The following HLTF variants were observed in gnomAD, a reference collection of about 807,000 sequenced individuals.
HLTF encodes the protein helicase like transcription factor.
In HLTF, 127 loss-of-function variants were observed where a neutral mutation model predicts 129.4. That is an observed-to-expected ratio of 0.98 (90% CI 0.85 to 1.14). The LOEUF (loss-of-function observed/expected upper bound fraction) is 1.14, where lower values mean the gene tolerates loss of function less well. Among genes scored for constraint, HLTF ranks in the 50% most tolerant of loss-of-function variants. HLTF has a pLI of 0.00. For missense variants in HLTF, 1,139 were observed against 1,187.1 expected (o/e 0.96, Z 0.60); for synonymous variants, 332 against 388.8 (o/e 0.85, Z 1.72).
intron 8 of HLTF, among the ~76,000 whole-genome samples, chr3:149,065,560 C>T (rs555970415): frequency 9.2e-5 from 14 of 152,158 alleles, no homozygotes; most frequent in Middle Eastern, 3.4e-3. Flanking sequence ...AAAAATCTGC[C>T]GGGCGCAGTG....
chr3:149,081,245 T>C (rs1306836498), intron 2 of HLTF, among the ~76,000 whole-genome samples: 1 of 145,312 alleles, frequency 6.9e-6, no homozygotes. Flanking sequence ...AACTTAACCA[T>C]ATGCTTATTG....
chr3:149,063,071 T>A, intron 10 of HLTF: 1 of 457,610 alleles, frequency 2.2e-6, no homozygotes, highest in Non-Finnish European at 4.4e-6. Context: ...CTTTTTCTTT[T>A]TTTTTTGAGA....
intron 23 of HLTF, among the ~76,000 whole-genome samples, chr3:149,035,969 A>C (rs1205720973): frequency 6.6e-6 from 1 of 151,602 alleles, no homozygotes; most frequent in Non-Finnish European, 1.5e-5. Flanking sequence ...CCCCATCTCT[A>C]CTAAAAATAC....
In HLTF at chr3:149,032,297, A is replaced by T; in HGVS notation, c.2953T>A (p.Phe985Ile). The T allele has an allele frequency of 6.2e-7, 1 of 1,602,198 alleles. No homozygotes were observed. Among genetic ancestry groups the T allele is most frequent in the Admixed American group, 1.7e-5 (1 of 58,448 alleles). The change falls in exon 25 of 25, where the codon TTT becomes ATT. Residue 985 changes from phenylalanine to isoleucine, a missense_variant. Transcript: ENST00000310053. ...TCAGCATTTGGTTTTTTAGTTCCAA[A>T]GGCTCCTGCTGCAAGTTCTCTCTTT... is the stretch of plus-strand genomic sequence containing the variant. ...NKKRELAAGA[F>I]GTKKPNADEM...
chr3:149,048,437 T>G (rs1716730397), intron 16 of HLTF, among the ~76,000 whole-genome samples: 1 of 152,218 alleles, frequency 6.6e-6, no homozygotes, highest in African/African-American at 2.4e-5. Flanking sequence ...CAAGTACATC[T>G]GCTTATTTAG....
rs768064749 is a variant in HLTF at position 149,071,556 on chromosome 3, C to T, written c.702+27G>A. 3 of 1,522,098 alleles carry T rather than the reference C, an allele frequency of 2.0e-6. No homozygotes were observed. In the Admixed American group the frequency reaches 5.2e-5, roughly 26 times the overall value. 94.3% of individuals were successfully genotyped at this position (1,522,098 alleles called of 1,614,324 possible). On this transcript the variant is annotated intron_variant, in intron 6 of 24. Transcript: ENST00000310053. The stretch of plus-strand genomic sequence containing the variant: ...AGTATATTTAAACATTCTGAGTAGT[C>T]TTAAATAAAAAATATTGGTTCAATA...
intron 7 of HLTF, among the ~76,000 whole-genome samples, chr3:149,069,158 T>TAA (rs35334487): frequency 3.7e-4 from 55 of 149,944 alleles, no homozygotes; most frequent in Non-Finnish European, 5.2e-4. Context: ...CACATACAGT[T>TAA]AAAAAAAAAA....
chr3:149,059,004 G>T (rs574910496), intron 13 of HLTF, among the ~76,000 whole-genome samples: 2 of 152,030 alleles, frequency 1.3e-5, no homozygotes, highest in African/African-American at 4.8e-5. Flanking sequence ...ACCAAAAGTC[G>T]GCTCTTTCTC....
intron 2 of HLTF, among the ~76,000 whole-genome samples, chr3:149,080,164 T>C (rs1719748816): frequency 6.6e-6 from 1 of 152,048 alleles, no homozygotes; most frequent in African/African-American, 2.4e-5. Context: ...GGAAGAAGAC[T>C]GATTCATGGT....
chr3:149,043,379 A>G (rs1716284582), intron 18 of HLTF, among the ~76,000 whole-genome samples: 1 of 151,868 alleles, frequency 6.6e-6, no homozygotes, highest in Admixed American at 6.6e-5. Flanking sequence ...GAACACAGAT[A>G]AAAGACATCT....
At chr3:149,071,763 C>T (rs1008716226) in intron 5 of HLTF, 106 bp from the exon 6 acceptor site, 32 of 763,462 alleles carry the variant, frequency 4.2e-5, no homozygotes, top group African/African-American at 1.9e-4. Flanking sequence ...TAATGTCAAA[C>T]GGGCCAGGAG....
intron 17 of HLTF, among the ~76,000 whole-genome samples, chr3:149,046,825 A>G (rs1716583297): frequency 6.6e-6 from 1 of 152,194 alleles, no homozygotes; most frequent in Non-Finnish European, 1.5e-5. Context: ...CTTTCTCAGT[A>G]CTGGAAAAAA....
intron 9 of HLTF, 143 bp from the exon 10 acceptor site, chr3:149,063,667 A>G: frequency 3.5e-6 from 2 of 571,568 alleles, no homozygotes; most frequent in Admixed American, 3.1e-5. Context: ...TATTTTCTCT[A>G]CTTTTTTCCT....
chr3:149,039,492 A>G, intron 22 of HLTF, 89 bp downstream of exon 22: 1 of 713,048 alleles, frequency 1.4e-6, no homozygotes, highest in South Asian at 2.6e-5. Flanking sequence ...AAAACTGGCA[A>G]AACAAATTAA....
chr3:149,064,978 T>C (rs1372163033), intron 8 of HLTF, 112 bp from the exon 9 acceptor site: 2 of 536,952 alleles, frequency 3.7e-6, no homozygotes, highest in Admixed American at 3.4e-5. Context: ...CTTAAATTGC[T>C]ACCCAATTCT....
chr3:149,041,660 T>C lies in HLTF; in HGVS notation c.2206A>G (p.Thr736Ala). ...AACTTCTTTCTCAGTTCTTCAGGTG[T>C]ATCATTTCCTAGAGAAAAGGCTGAA... ...VSSNGPSGND[T>A]PEELRKKLIR... Residue 736 changes from threonine to alanine, a missense_variant, in exon 20 of 25, where the codon ACA becomes GCA. Coordinates refer to ENST00000310053, the MANE Select transcript of HLTF (RefSeq NM_003071.4). The C allele has an allele frequency of 6.2e-7, 1 of 1,605,904 alleles. No homozygotes were observed. Among genetic ancestry groups the C allele is most frequent in the East Asian group, 2.2e-5 (1 of 44,740 alleles).
chr3:149,042,989 C>T (rs1716252163), intron 18 of HLTF, among the ~76,000 whole-genome samples: 1 of 151,820 alleles, frequency 6.6e-6, no homozygotes, highest in East Asian at 1.9e-4. Context: ...GTAGGGGACA[C>T]ATGGCAGTGA....
At chr3:149,071,980 T>C (rs1718912400) in intron 5 of HLTF, among the ~76,000 whole-genome samples, 2 of 152,100 alleles carry the variant, frequency 1.3e-5, no homozygotes, top group South Asian at 2.1e-4. Context: ...TTCAGCCTAG[T>C]AGGTAGAGGA....
intron 23 of HLTF, among the ~76,000 whole-genome samples, chr3:149,037,708 T>C (rs936441986): frequency 2.0e-5 from 3 of 152,182 alleles, no homozygotes; most frequent in East Asian, 1.9e-4. Context: ...AATTCCTACA[T>C]GTTAAAAATC....
Sources: gnomAD v4.1 joint callset for allele counts (sites outside exome capture counted in the v4.1 genomes callset) on GRCh38, gnomAD v4.1.1 for gene constraint, MANE v1.5 for transcripts, NCBI Gene and HGNC (gene_info 2026-07-23, HGNC 2026-07-21) for gene names.